The following ZNF345 variants were observed in gnomAD, a reference collection of about 807,000 sequenced individuals.
The protein encoded by ZNF345 is zinc finger protein 345, also known as zinc finger protein HZF10.
For missense variants in ZNF345, 527 were observed against 589.9 expected, an observed-to-expected ratio of 0.89 and a Z score of 1.10; for synonymous variants, 166 against 187.9, an observed-to-expected ratio of 0.88 and a Z score of 0.95.
chr19:36,877,563 C>T lies in ZNF345; in HGVS notation c.733C>T (p.Leu245Phe), dbSNP rs1379128114. ...AATGGCCTTTAGCAGTGGTTCGGCT[C>T]TTACTCGGCATCAGAGAATTCATAC... ...CGMAFSSGSA[L>F]TRHQRIHTGE... Residue 245 changes from leucine to phenylalanine, a missense_variant, in exon 3 of 3, where the codon CTT becomes TTT. Coordinates refer to ENST00000420450, the MANE Select transcript of ZNF345 (RefSeq NM_001242472.2). The T allele has an allele frequency of 1.2e-6, 2 of 1,613,950 alleles. No individual in the cohort carries two copies. The highest frequency in any genetic ancestry group is 1.7e-6 in the Non-Finnish European group (2 of 1,180,024).
rs923872051 is a variant in ZNF345 at position 36,851,838 on chromosome 19, T to C, written c.-113T>C. ...GCTTTCTCCTTCCTCAGCCCTGCCC[T>C]GCTTGGATAGAGGCCTCCGAACAGG... On this transcript the variant is annotated 5_prime_UTR_variant, in exon 2 of 3. Transcript: ENST00000420450. The C allele has an allele frequency of 1.3e-5, 2 of 152,290 alleles. No individual in the cohort carries two copies. The highest frequency in any genetic ancestry group is 4.8e-5 in the African/African-American group (2 of 41,452). The allele number at this position is 152,290 out of a possible 1,614,324, so 9.4% of individuals were successfully genotyped here. A position where few individuals can be genotyped will look rare whatever the true frequency, so the allele number is the denominator to read the frequency against.
At position 36,878,178 on chromosome 19, in the gene ZNF345, G is replaced by C. The variant is rs1334597299; in HGVS notation, c.1348G>C (p.Gly450Arg). Residue 450 changes from glycine (G) to arginine (R), a missense_variant, in exon 3 of 3, where the codon GGT becomes CGT. Physicochemically the swap from Gly to Arg is moderately radical, Grantham distance 125. Coordinates refer to ENST00000420450, the MANE Select transcript of ZNF345 (RefSeq NM_001242472.2). ...SLTQHQRIHT[G>R]EKLYECKNCG... ...TACTCAGCATCAGAGAATTCATACA[G>C]GTGAGAAACTTTATGAATGTAAGAA... 3 of 1,614,162 alleles carry C rather than the reference G, an allele frequency of 1.9e-6. No homozygotes were observed. In the South Asian group the frequency reaches 3.3e-5, roughly 18 times the overall value.
In ZNF345 at chr19:36,877,352, T is replaced by G. The variant is rs139195642; in HGVS notation, c.522T>G (p.Tyr174Ter). ...HQIIHSGEKP[Y>*]ECKECGKSFS... Reference sequence around the variant, plus strand: ...TCATTCACAGTGGTGAGAAGCCTTATGAGTGTAAGGAATGTGGGAAGTCCT... The same window carrying G: ...TCATTCACAGTGGTGAGAAGCCTTAGGAGTGTAAGGAATGTGGGAAGTCCT... The change falls in exon 3 of 3, where the codon TAT becomes TAG. Residue 174 changes from tyrosine to a stop codon, truncating the protein, a stop_gained. Transcript: ENST00000420450. LOFTEE classifies it low-confidence loss of function (END_TRUNC). 1.2e-5 allele frequency: 19 copies of G among 1,614,190 alleles called. 1 individual carries two copies. The highest frequency in any genetic ancestry group is 1.6e-5 in the Non-Finnish European group (19 of 1,180,030).
At chr19:36,874,498 A>T (rs1199044198) in intron 2 of ZNF345, among the ~76,000 whole-genome samples, 3 of 140,096 alleles carry the variant, frequency 2.1e-5, no homozygotes, top group Admixed American at 2.1e-4. Flanking sequence ...CCACTAAAAA[A>T]AAAAAAAGGG....
intron 2 of ZNF345, among the ~76,000 whole-genome samples, chr19:36,852,879 T>G (rs1412012959): frequency 6.7e-6 from 1 of 150,212 alleles, no homozygotes; most frequent in African/African-American, 2.4e-5. Flanking sequence ...TTTTTTTTGT[T>G]TTTTTTTTTT....
intron 2 of ZNF345, among the ~76,000 whole-genome samples, chr19:36,871,125 T>C (rs2072762752): frequency 6.6e-6 from 1 of 152,260 alleles, no homozygotes; most frequent in African/African-American, 2.4e-5. Context: ...GGTAAGGACC[T>C]GCTTTCTGCT....
chr19:36,876,357 C>G (rs1000803515), intron 2 of ZNF345, among the ~76,000 whole-genome samples: 1 of 152,064 alleles, frequency 6.6e-6, no homozygotes, highest in Admixed American at 6.6e-5. Flanking sequence ...ATGTAGTACT[C>G]CCAACAACCC....
At chr19:36,871,088 A>G (rs1474435438) in intron 2 of ZNF345, among the ~76,000 whole-genome samples, 1 of 152,222 alleles carries the variant, frequency 6.6e-6, no homozygotes, top group Non-Finnish European at 1.5e-5. Context: ...AAAGTACATG[A>G]TCAAGATGTT....
At chr19:36,867,367 G>A (rs1198253958) in intron 2 of ZNF345, among the ~76,000 whole-genome samples, 1 of 152,102 alleles carries the variant, frequency 6.6e-6, no homozygotes, top group Non-Finnish European at 1.5e-5. Context: ...CCATTTTAAA[G>A]TGTATAATTC....
Position 36,867,068 on chromosome 19 carries a change from A to T in ZNF345, c.-46-9717A>T, listed in dbSNP as rs73933144. On this transcript the variant is annotated intron_variant, in intron 2 of 2. Transcript: ENST00000420450. The stretch of plus-strand genomic sequence containing the variant: ...AGGGAATGTGCATGTGTTAGCCTAG[A>T]TAACCAAACTCTTTCAAAGTGGTTG... Among the ~76,000 whole-genome samples the T allele has an allele frequency of 7.0e-3, 1,072 of 152,290 alleles. 17 individuals carry two copies. The highest frequency in any genetic ancestry group is 0.024 in the African/African-American group (1,017 of 41,566).
intron 2 of ZNF345, among the ~76,000 whole-genome samples, chr19:36,869,822 C>T (rs746822301): frequency 1.4e-4 from 21 of 148,946 alleles, no homozygotes; most frequent in East Asian, 2.0e-4. Flanking sequence ...AATGCAGTAG[C>T]GTGATCTCGG....
chr19:36,891,380 A>G, intron 3 of ZNF345: 1 of 1,145,266 alleles, frequency 8.7e-7, no homozygotes, highest in Non-Finnish European at 1.2e-6. Context: ...CGTATCGTTT[A>G]AAAACGAATA....
intron 2 of ZNF345, among the ~76,000 whole-genome samples, chr19:36,863,163 C>T (rs1398544773): frequency 3.3e-5 from 5 of 152,078 alleles, no homozygotes; most frequent in South Asian, 4.1e-4. Context: ...TGAGTTATTT[C>T]CTCCTGGGTC....
chr19:36,865,632 T>C lies in ZNF345; in HGVS notation c.-46-11153T>C, dbSNP rs567200079. ...TGTGCCACCACGCCCAGCTACTTTT[T>C]GTATAGTACTTTTTTAAATGGATAG... On this transcript the variant is annotated intron_variant, in intron 2 of 2. Transcript: ENST00000420450. Among the ~76,000 whole-genome samples, 9 of 152,300 alleles carry C rather than the reference T, an allele frequency of 5.9e-5. No homozygotes were observed. The East Asian group carries it at 1.5e-3, about 26-fold the overall frequency.
At chr19:36,883,604 T>C (rs1401918463), downstream of ZNF345, among the ~76,000 whole-genome samples, 1 of 152,252 alleles carries the variant, frequency 6.6e-6, no homozygotes, top group Admixed American at 6.5e-5. Flanking sequence ...CAGACTGATA[T>C]ACATTTACAG....
intron 3 of ZNF345, chr19:36,889,113 G>A (rs2073026228): frequency 6.6e-6 from 1 of 152,164 alleles, no homozygotes; most frequent in South Asian, 2.1e-4. Flanking sequence ...AGTTGCATAT[G>A]TTGAGCCATC....
At chr19:36,857,501 G>T (rs1012714114) in intron 2 of ZNF345, among the ~76,000 whole-genome samples, 25 of 152,092 alleles carry the variant, frequency 1.6e-4, no homozygotes, top group Non-Finnish European at 2.6e-4. Context: ...CAGAGACGGG[G>T]TTTCTCCATG....
downstream of ZNF345, among the ~76,000 whole-genome samples, chr19:36,883,202 T>C (rs1452865539): frequency 6.6e-6 from 1 of 152,204 alleles, no homozygotes. Context: ...TAGGCAGGCT[T>C]ACTCAATTTC....
intron 2 of ZNF345, among the ~76,000 whole-genome samples, chr19:36,861,801 C>T (rs2072552974): frequency 6.6e-6 from 1 of 151,820 alleles, no homozygotes; most frequent in Non-Finnish European, 1.5e-5. Flanking sequence ...AGCTTGCAAT[C>T]CGCCAGCCTC....
Sources: allele counts gnomAD v4.1 joint callset (sites outside exome capture counted in the v4.1 genomes callset), GRCh38; gene constraint gnomAD v4.1.1; transcripts MANE v1.5; gene names NCBI Gene and HGNC (gene_info 2026-07-23, HGNC 2026-07-21).